The following PCNT variants were observed in gnomAD, a reference collection of about 807,000 sequenced individuals.
PCNT encodes the protein pericentrin, also known as kendrin.
A neutral mutation model predicts 380.4 loss-of-function variants in PCNT; 319 were observed. The observed-to-expected ratio is 0.84, with a 90% CI of 0.77 to 0.92. The LOEUF is 0.92. Ranked by LOEUF, PCNT falls within the 40% of genes least tolerant of loss-of-function variation. PCNT has a pLI of 0.00. For synonymous variants in PCNT, 1,845 were observed against 1,735.2 expected, an observed-to-expected ratio of 1.06 and a Z score of -1.57; for missense variants, 4,400 against 4,255.3, an observed-to-expected ratio of 1.03 and a Z score of -0.95.
Position 46,401,619 on chromosome 21 carries a change from A to C in PCNT, c.4860A>C (p.Leu1620=). The C allele has an allele frequency of 6.2e-7, 1 of 1,613,828 alleles. No homozygotes were observed. The highest frequency in any genetic ancestry group is 8.5e-7 in the Non-Finnish European group (1 of 1,179,770). Residue 1620 remains leucine (L), a synonymous_variant, in exon 26 of 47, where the codon CTA becomes CTC. Coordinates refer to ENST00000359568, the MANE Select transcript of PCNT (RefSeq NM_006031.6). ...TGGCGTCCACGTTGCAGTCTACACT[A>C]GATGCAGGCAGATGTCCCGAGCCTC... is the stretch of plus-strand genomic sequence containing the variant. ...LLLASTLQST[L]DAGRCPEPPS... is the part of the protein sequence containing the mutation.
intron 3 of PCNT, among the ~76,000 whole-genome samples, chr21:46,335,474 T>A (rs959820789): frequency 1.3e-5 from 2 of 152,072 alleles, no homozygotes; most frequent in African/African-American, 4.8e-5. Context: ...GGTGGGCGGA[T>A]CACGAGGTCA....
intron 44 of PCNT, 179 bp downstream of exon 44, chr21:46,442,752 C>A: frequency 1.5e-6 from 1 of 653,978 alleles, no homozygotes; most frequent in South Asian, 1.7e-5. Flanking sequence ...GTAGGGAGGT[C>A]AGAGCTCATG....
In PCNT at chr21:46,425,950, G is replaced by T. The variant is rs376200003; in HGVS notation, c.7299G>T (p.Ser2433=). Residue 2433 remains serine, a synonymous_variant, in exon 33 of 47, where the codon TCG becomes TCT. Transcript: ENST00000359568. The surrounding 1 kb of genome is among the most constrained non-coding windows in gnomAD (Gnocchi z 4.2). The part of the protein sequence containing the change: ...PRKEDEIQDI[S]LHGGKTQEVP... ...AGGAAGACGAGATACAGGACATCTC[G>T]CTCCATGGGGGAAAGACGCAGGTTT... The T allele has an allele frequency of 6.2e-7, 1 of 1,613,906 alleles. No homozygotes were observed.
Position 46,433,681 on chromosome 21 carries a change from A to G in PCNT, c.8751+1466A>G, listed in dbSNP as rs557208117. 2.6e-5 allele frequency among the ~76,000 whole-genome samples: 4 copies of G among 152,308 alleles called. No homozygotes were observed. In the South Asian group the frequency reaches 8.3e-4, roughly 32 times the overall value. ...ATTGTTTCTTAAAAAAAATAGTAAC[A>G]TGAGTGCTTAGAAAATATTTTCTAA... On this transcript the variant is annotated intron_variant, in intron 38 of 46. Coordinates refer to ENST00000359568, the MANE Select transcript of PCNT (RefSeq NM_006031.6).
intron 29 of PCNT, among the ~76,000 whole-genome samples, chr21:46,414,922 T>G (rs538606008): frequency 1.3e-5 from 2 of 152,248 alleles, no homozygotes; most frequent in East Asian, 3.9e-4. Flanking sequence ...CCCTGCTGTT[T>G]GCTAAATGTG....
Position 46,355,611 on chromosome 21 carries a change from G to A in PCNT, c.1921G>A (p.Glu641Lys). The change falls in exon 12 of 47, where the codon GAA (glutamate) becomes AAA (lysine). Residue 641 changes from glutamate to lysine, a missense_variant. Glu to Lys is a moderately conservative substitution (Grantham distance 56, BLOSUM62 1). Coordinates refer to ENST00000359568, the MANE Select transcript of PCNT (RefSeq NM_006031.6). The stretch of plus-strand genomic sequence containing the variant: ...ACACGAGTGGCGTCTGGAACCCTCT[G>A]AAGGGCACAGCCAAGGTGGGCCCCT... ...LGHEWRLEPS[E>K]GHSQELPWVH... 1 of 1,613,754 alleles carries A rather than the reference G, an allele frequency of 6.2e-7. No homozygotes were observed. The highest frequency in any genetic ancestry group is 8.5e-7 in the Non-Finnish European group (1 of 1,179,922).
chr21:46,431,862 C>G lies in PCNT; in HGVS notation c.8398C>G (p.Arg2800Gly), dbSNP rs142608069. Residue 2800 changes from arginine to glycine, a missense_variant, in exon 38 of 47, where the codon CGG becomes GGG. Physicochemically the swap from Arg to Gly is moderately radical, Grantham distance 125. Coordinates refer to ENST00000359568, the MANE Select transcript of PCNT (RefSeq NM_006031.6). ...GCAGAAGCTGAAGGAGGAGAAGTCC[C>G]GGGTGGTGGACTTGCAAGCGATGCT... ...LLQKLKEEKS[R>G]VVDLQAMLEK... The G allele has an allele frequency of 1.4e-4, 232 of 1,613,998 alleles. No individual in the cohort carries two copies. Among genetic ancestry groups the G allele is most frequent in the African/African-American group, 1.3e-3 (99 of 75,062 alleles).
At chr21:46,395,641 C>T (rs1440289739) in intron 21 of PCNT, among the ~76,000 whole-genome samples, 1 of 151,308 alleles carries the variant, frequency 6.6e-6, no homozygotes, top group Non-Finnish European at 1.5e-5. Flanking sequence ...GACTCCATCT[C>T]AGAAATAATA....
At chr21:46,331,877 T>C (rs2083571466) in intron 2 of PCNT, among the ~76,000 whole-genome samples, 4 of 152,320 alleles carry the variant, frequency 2.6e-5, no homozygotes, top group Admixed American at 2.6e-4. Context: ...AAGAACCATC[T>C]GGCGGGACGC....
At chr21:46,343,774 A>T (rs183270689) in intron 3 of PCNT, among the ~76,000 whole-genome samples, 249 of 152,260 alleles carry the variant, frequency 1.6e-3, no homozygotes, top group African/African-American at 5.7e-3. Context: ...GGCAATTTTT[A>T]AATTACTGTT....
chr21:46,419,058 C>A (rs1325088566), intron 31 of PCNT, among the ~76,000 whole-genome samples: 1 of 152,156 alleles, frequency 6.6e-6, no homozygotes, highest in Non-Finnish European at 1.5e-5. Context: ...CCTGCCACAC[C>A]GTCCTTTTTT....
chr21:46,348,572 G>A (rs897187230), intron 6 of PCNT, among the ~76,000 whole-genome samples: 1 of 152,288 alleles, frequency 6.6e-6, no homozygotes, highest in East Asian at 1.9e-4. Context: ...GAGAGACTGG[G>A]TGTAAGGCCT....
At chr21:46,445,160 TAATTCATATTTTTACCAAAATTTACATG>T in intron 46 of PCNT, 96 bp from the exon 47 acceptor site, 1 of 774,344 alleles carries the variant, frequency 1.3e-6, no homozygotes, top group Non-Finnish European at 2.4e-6. Flanking sequence ...AACCACTGTA[TAATTCATATTTTTACCAAAATTTACATG>T]AATTCAGTGA....
chr21:46,342,851 T>C (rs1226650056), intron 3 of PCNT, among the ~76,000 whole-genome samples: 1 of 152,198 alleles, frequency 6.6e-6, no homozygotes, highest in Non-Finnish European at 1.5e-5. Flanking sequence ...CAGCAGTGTT[T>C]TGTGGTTTCC....
chr21:46,399,802 G>A lies in PCNT; in HGVS notation c.4791+6G>A. The A allele has an allele frequency of 6.2e-7, 1 of 1,613,256 alleles. No homozygotes were observed. Among genetic ancestry groups the A allele is most frequent in the Non-Finnish European group, 8.5e-7 (1 of 1,179,264 alleles). ...TCGTGAAAGGGCTGGAACAGGTAAAGCGTCTCCATGTTGTGGTTGGGCACG... is the reference window on the plus strand; with the variant it reads ...TCGTGAAAGGGCTGGAACAGGTAAAACGTCTCCATGTTGTGGTTGGGCACG... On this transcript the variant is annotated splice_donor_region_variant and intron_variant, in intron 25 of 46. Transcript: ENST00000359568.
At chr21:46,417,528 C>G (rs1688905370) in intron 30 of PCNT, among the ~76,000 whole-genome samples, 2 of 142,622 alleles carry the variant, frequency 1.4e-5, no homozygotes, top group African/African-American at 6.0e-5. Flanking sequence ...TTCACATATG[C>G]TAATTAATTT....
At chr21:46,371,016 C>T (rs1003795644) in intron 15 of PCNT, among the ~76,000 whole-genome samples, 5 of 151,956 alleles carry the variant, frequency 3.3e-5, no homozygotes, top group Middle Eastern at 6.8e-3. Flanking sequence ...GCCTGGGCGA[C>T]AGAGCGAGAC....
rs376406064 is a variant in PCNT, at chr21:46,334,578, A to G, written c.449A>G (p.Asp150Gly). 24 of 1,573,646 alleles carry G rather than the reference A, an allele frequency of 1.5e-5. No homozygotes were observed. The highest frequency in any genetic ancestry group is 2.0e-5 in the Non-Finnish European group (23 of 1,146,592). ...PEQRGMFTVS[D>G]HPPEQHGMFT... ...CAGCGTGGGATGTTCACAGTCAGTG[A>G]CCACCCACCAGAACAGCATGGGATG... is the stretch of plus-strand genomic sequence containing the variant. Residue 150 changes from aspartate to glycine, a missense_variant, in exon 3 of 47, where the codon GAC (aspartate) becomes GGC (glycine). Coordinates refer to ENST00000359568, the MANE Select transcript of PCNT (RefSeq NM_006031.6).
chr21:46,327,631 T>A (rs1004948242), intron 2 of PCNT, among the ~76,000 whole-genome samples: 8 of 152,258 alleles, frequency 5.3e-5, no homozygotes, highest in African/African-American at 1.9e-4. Context: ...AAGTGTCAGT[T>A]GTTTGCTTTG....
Sources: allele counts gnomAD v4.1 joint callset (sites outside exome capture counted in the v4.1 genomes callset), GRCh38; gene constraint gnomAD v4.1.1; non-coding constraint Gnocchi (gnomAD v3.1); transcripts MANE v1.5; gene names NCBI Gene and HGNC (gene_info 2026-07-23, HGNC 2026-07-21).